The following AHCYL2 variants were observed in gnomAD, a reference collection of about 807,000 sequenced individuals.
The protein encoded by AHCYL2 is S-adenosylhomocysteine hydrolase-like protein 2.
In AHCYL2, 28 loss-of-function variants were observed where a neutral mutation model predicts 81.4. The ratio of observed to expected loss-of-function variants is 0.34; its 90% CI spans 0.25 to 0.47. AHCYL2 has a LOEUF of 0.47. Among genes scored for constraint, AHCYL2 ranks in the 20% least tolerant of loss-of-function variants. The probability of loss-of-function intolerance (pLI) is 1.00; values close to 1 mark genes in which losing one functional copy is unlikely to be tolerated. For synonymous variants in AHCYL2, 272 were observed against 290.2 expected, an observed-to-expected ratio of 0.94 and a Z score of 0.64; for missense variants, 551 against 785.1, an observed-to-expected ratio of 0.70 and a Z score of 3.56.
chr7:129,243,788 G>A (rs1794949623), intron 1 of AHCYL2, among the ~76,000 whole-genome samples: 1 of 151,628 alleles, frequency 6.6e-6, no homozygotes, highest in African/African-American at 2.4e-5. Flanking sequence ...CACCGTGTAA[G>A]CCAGCATGGT....
intron 1 of AHCYL2, among the ~76,000 whole-genome samples, chr7:129,233,437 A>G (rs1258859389): frequency 1.3e-5 from 2 of 151,844 alleles, no homozygotes; most frequent in African/African-American, 4.8e-5. Context: ...TCACCCTTCC[A>G]AAGTGCTGGG....
chr7:129,382,572 C>T (rs1257258752), intron 2 of AHCYL2, among the ~76,000 whole-genome samples: 1 of 151,796 alleles, frequency 6.6e-6, no homozygotes. Flanking sequence ...TGCACTTCAG[C>T]CTGGGCAATA....
chr7:129,357,888 C>G (rs1430692156), intron 1 of AHCYL2, among the ~76,000 whole-genome samples: 1 of 148,682 alleles, frequency 6.7e-6, no homozygotes, highest in African/African-American at 2.5e-5. Context: ...GAGCTGAGAT[C>G]AGGCCACTGC....
rs1562885751 is a variant in AHCYL2, at chr7:129,429,550, A to G, written c.*2505A>G. On this transcript the variant is annotated 3_prime_UTR_variant, in exon 17 of 17. Coordinates refer to ENST00000325006, the MANE Select transcript of AHCYL2 (RefSeq NM_015328.4). ...TTCTTTCTTTTCTTTTCACCCTTAG[A>G]GACAGGGTTTCACTATGTTGCCCAG... 6.6e-6 allele frequency: 1 copy of G among 152,154 alleles called. No individual in the cohort carries two copies. The highest frequency in any genetic ancestry group is 2.4e-5 in the African/African-American group (1 of 41,412). 9.4% of individuals were successfully genotyped at this position (152,154 alleles called of 1,614,324 possible). A position where few individuals can be genotyped will look rare whatever the true frequency, so the allele number is the denominator to read the frequency against.
In AHCYL2 at chr7:129,245,566, G is replaced by GGT. The variant is rs1795023616; in HGVS notation, c.363+20127_363+20128insGT. 3.8e-5 allele frequency among the ~76,000 whole-genome samples: 5 copies of GGT among 130,708 alleles called. No individual in the cohort carries two copies. The Admixed American group carries it at 4.0e-4, about 10-fold the overall frequency. 85.7% of individuals were successfully genotyped at this position (130,708 alleles called of 152,430 possible). On this transcript the variant is annotated intron_variant, in intron 1 of 16. Coordinates refer to ENST00000325006, the MANE Select transcript of AHCYL2 (RefSeq NM_015328.4). ...ATTCTATTTTGTCTTTTATGAATTTGACTTCTCTAGGTACCTTATATAAGT... is the reference window on the plus strand; with the variant it reads ...ATTCTATTTTGTCTTTTATGAATTTGGTACTTCTCTAGGTACCTTATATAAGT...
intron 1 of AHCYL2, among the ~76,000 whole-genome samples, chr7:129,259,301 G>A (rs1210435181): frequency 6.6e-6 from 1 of 152,060 alleles, no homozygotes; most frequent in African/African-American, 2.4e-5. Flanking sequence ...GCACAGGAGC[G>A]ACAAATCTTT....
intron 1 of AHCYL2, among the ~76,000 whole-genome samples, chr7:129,310,411 A>G (rs895145021): frequency 2.0e-5 from 3 of 152,224 alleles, no homozygotes; most frequent in Non-Finnish European, 4.4e-5. Context: ...TGATGGAGAC[A>G]AGGCTGAGAA....
chr7:129,413,006 T>C (rs1191128063), intron 11 of AHCYL2, among the ~76,000 whole-genome samples: 2 of 148,742 alleles, frequency 1.3e-5, no homozygotes, highest in African/African-American at 5.0e-5. Flanking sequence ...ACCCAGCTTA[T>C]TTTTGTATTT....
intron 1 of AHCYL2, among the ~76,000 whole-genome samples, chr7:129,337,140 G>C (rs1328000847): frequency 2.0e-5 from 3 of 152,156 alleles, no homozygotes; most frequent in Non-Finnish European, 4.4e-5. Context: ...ATAAAAATAA[G>C]TTTTTTATCA....
chr7:129,301,666 A>G lies in AHCYL2; in HGVS notation c.363+76227A>G, dbSNP rs1277489600. Among the ~76,000 whole-genome samples the G allele has an allele frequency of 2.0e-5, 3 of 152,102 alleles. No homozygotes were observed. The East Asian group carries it at 5.8e-4, about 29-fold the overall frequency. On this transcript the variant is annotated intron_variant, in intron 1 of 16. Coordinates refer to ENST00000325006, the MANE Select transcript of AHCYL2 (RefSeq NM_015328.4). ...TGGCATGTTTGTCAAAAATGAGTTC[A>G]CTGTAGATGTATGGATTTGTTTCTG...
chr7:129,425,293 CATTT>C (rs1379653584), intron 15 of AHCYL2, 152 bp downstream of exon 15: 2 of 670,272 alleles, frequency 3.0e-6, no homozygotes, highest in Non-Finnish European at 5.1e-6. Flanking sequence ...GTGCCATTCC[CATTT>C]ATTTATCCCA....
chr7:129,247,876 G>T (rs1027406681), intron 1 of AHCYL2, among the ~76,000 whole-genome samples: 1 of 152,162 alleles, frequency 6.6e-6, no homozygotes, highest in Non-Finnish European at 1.5e-5. Context: ...TGCTGGGACT[G>T]CAAGCATGAG....
chr7:129,243,814 C>T (rs1324583339), intron 1 of AHCYL2, among the ~76,000 whole-genome samples: 7 of 151,200 alleles, frequency 4.6e-5, no homozygotes, highest in Admixed American at 2.6e-4. Flanking sequence ...AGGATGGTCT[C>T]GATCTCCTGG....
At chr7:129,404,174 G>C (rs1796187324) in intron 7 of AHCYL2, among the ~76,000 whole-genome samples, 1 of 152,008 alleles carries the variant, frequency 6.6e-6, no homozygotes, top group African/African-American at 2.4e-5. Context: ...TGCTCTAGAT[G>C]CTAGGAATCT....
intron 1 of AHCYL2, among the ~76,000 whole-genome samples, chr7:129,263,351 C>T (rs1795707670): frequency 6.6e-6 from 1 of 152,200 alleles, no homozygotes; most frequent in African/African-American, 2.4e-5. Flanking sequence ...GTCATTTCCT[C>T]TTACTTCCCA....
chr7:129,303,457 A>C (rs1396343341), intron 1 of AHCYL2, among the ~76,000 whole-genome samples: 1 of 152,222 alleles, frequency 6.6e-6, no homozygotes, highest in Non-Finnish European at 1.5e-5. Context: ...AATTGCTCAT[A>C]GTAGCCTCAA....
intron 1 of AHCYL2, among the ~76,000 whole-genome samples, chr7:129,265,356 ATGG>A (rs959863197): frequency 1.9e-4 from 29 of 152,316 alleles, no homozygotes; most frequent in African/African-American, 6.7e-4. Flanking sequence ...ACTCAGGTTG[ATGG>A]TGGGATTTAG....
chr7:129,238,635 A>G (rs55834225), intron 1 of AHCYL2, among the ~76,000 whole-genome samples: 1,660 of 152,106 alleles, frequency 0.011, 26 homozygotes, highest in African/African-American at 0.038. Context: ...TTGAGGTGAA[A>G]CCCAAGAGGT....
chr7:129,354,577 G>A (rs1793674988), intron 1 of AHCYL2, among the ~76,000 whole-genome samples: 1 of 152,194 alleles, frequency 6.6e-6, no homozygotes, highest in Non-Finnish European at 1.5e-5. Flanking sequence ...ATGGTAGTCT[G>A]CCTATGTATG....
Sources: allele counts gnomAD v4.1 joint callset (sites outside exome capture counted in the v4.1 genomes callset), GRCh38; gene constraint gnomAD v4.1.1; transcripts MANE v1.5; gene names NCBI Gene and HGNC (gene_info 2026-07-23, HGNC 2026-07-21).